The following CSNK1E variants were observed in gnomAD, a reference collection of about 807,000 sequenced individuals.
The protein encoded by CSNK1E is casein kinase 1 epsilon.
Under a neutral mutation model 46.1 loss-of-function variants are expected in CSNK1E, and 17 were observed. That is an observed-to-expected ratio of 0.37 (90% confidence interval 0.25 to 0.55). CSNK1E has a LOEUF of 0.55. CSNK1E is among the 20% of genes least tolerant of loss of function. The probability of loss-of-function intolerance (pLI) is 0.82; values close to 1 mark genes in which losing one functional copy is unlikely to be tolerated. For missense variants in CSNK1E, 386 were observed against 595.4 expected, an observed-to-expected ratio of 0.65 and a Z score of 3.66; for synonymous variants, 241 against 242.6, an observed-to-expected ratio of 0.99 and a Z score of 0.06.
rs1197183734 is a variant in CSNK1E, at chr22:38,291,892, G to C, written c.*79C>G. Reference sequence around the variant, plus strand: ...TTGTTCTTTTGAGTGGTTTATTTTTGCCTTTTTTTTTTTTTTTTTTTTTTT... The same window carrying C: ...TTGTTCTTTTGAGTGGTTTATTTTTCCCTTTTTTTTTTTTTTTTTTTTTTT... On this transcript the variant is annotated 3_prime_UTR_variant, in exon 11 of 11. Coordinates refer to ENST00000396832, the MANE Select transcript of CSNK1E (RefSeq NM_152221.3). 1.3e-5 allele frequency: 1 copy of C among 77,146 alleles called. No individual in the cohort carries two copies. Among genetic ancestry groups the C allele is most frequent in the Admixed American group, 1.5e-4 (1 of 6,782 alleles). The allele number at this position is 77,146 out of a possible 1,614,324, so 4.8% of individuals were successfully genotyped here. A position where few individuals can be genotyped will look rare whatever the true frequency, so the allele number is the denominator to read the frequency against.
At position 38,301,033 on chromosome 22, in the gene CSNK1E, G is replaced by C; in HGVS notation, c.337-81C>G. The C allele has an allele frequency of 3.3e-6, 4 of 1,221,138 alleles. No individual in the cohort carries two copies. In the Admixed American group the frequency reaches 7.2e-5, roughly 22 times the overall value. 75.6% of individuals were successfully genotyped at this position (1,221,138 alleles called of 1,614,324 possible). On this transcript the variant is annotated intron_variant, in intron 4 of 10. Transcript: ENST00000396832. Reference sequence around the variant, plus strand: ...GCCAGGCAGGGGCTGGGGCCACAGAGGTGGAAAGGCAGAGGGAGAAAGGCC... The same window carrying C: ...GCCAGGCAGGGGCTGGGGCCACAGACGTGGAAAGGCAGAGGGAGAAAGGCC...
At position 38,309,049 on chromosome 22, in the gene CSNK1E, C is replaced by G. The variant is rs2092710359; in HGVS notation, c.76+5033G>C. 6.6e-6 allele frequency among the ~76,000 whole-genome samples: 1 copy of G among 152,212 alleles called. No homozygotes were observed. Among genetic ancestry groups the G allele is most frequent in the East Asian group, 1.9e-4 (1 of 5,188 alleles). ...GAGAATTCCTGGTTGTGGGGCTGCC[C>G]TGGGCACTGCACAGTCTAACAGCAC... On this transcript the variant is annotated intron_variant, in intron 2 of 10. Coordinates refer to ENST00000396832, the MANE Select transcript of CSNK1E (RefSeq NM_152221.3). This position sits in a 1 kb window ranked among gnomAD's most constrained non-coding sequence, Gnocchi z 4.8.
chr22:38,311,808 CTTTTTTTT>C (rs71296618), intron 2 of CSNK1E, among the ~76,000 whole-genome samples: 1 of 140,300 alleles, frequency 7.1e-6, no homozygotes, highest in Admixed American at 7.2e-5. Context: ...TTCTTTCCTT[CTTTTTTTT>C]TTTTTTTTGA....
Position 38,294,335 on chromosome 22 carries a change from T to TGAGAGGATTAAATGAGGCCAAGTCCTG in CSNK1E, c.1078+6_1078+7insCAGGACTTGGCCTCATTTAATCCTCTC. 1 of 1,563,752 alleles carries TGAGAGGATTAAATGAGGCCAAGTCCTG rather than the reference T, an allele frequency of 6.4e-7. No homozygotes were observed. On this transcript the variant is annotated splice_region_variant and intron_variant, in intron 8 of 10. Coordinates refer to ENST00000396832, the MANE Select transcript of CSNK1E (RefSeq NM_152221.3). The surrounding 1 kb of genome is among the most constrained non-coding windows in gnomAD (Gnocchi z 5.5). ...GAACCCAGCCCACTGCCTGAGTCCC[T>TGAGAGGATTAAATGAGGCCAAGTCCTG]GCTCACCAGCCGGCTGGATGCGGGA...
At chr22:38,312,796 T>C (rs2092726706) in intron 2 of CSNK1E, among the ~76,000 whole-genome samples, 1 of 152,182 alleles carries the variant, frequency 6.6e-6, no homozygotes, top group Non-Finnish European at 1.5e-5. Context: ...ACAGAGGAGC[T>C]GCATGACCTT....
chr22:38,317,560 G>GA (rs1218785483), upstream of CSNK1E: 2 of 152,838 alleles, frequency 1.3e-5, no homozygotes, highest in African/African-American at 4.8e-5. Context: ...CCGCAGCTGC[G>GA]AGACGCAGTT....
At position 38,300,619 on chromosome 22, in the gene CSNK1E, A is replaced by G; in HGVS notation, c.565+105T>C. The G allele has an allele frequency of 8.9e-7, 1 of 1,121,006 alleles. No homozygotes were observed. The highest frequency in any genetic ancestry group is 1.3e-6 in the Non-Finnish European group (1 of 773,502). 69.4% of individuals were successfully genotyped at this position (1,121,006 alleles called of 1,614,324 possible). ...CGGGGTGGGGACTTTCTCACTAGAA[A>G]AGAGCCTGGGGGCCTCCATCAGGGT... is the stretch of plus-strand genomic sequence containing the variant. On this transcript the variant is annotated intron_variant, in intron 5 of 10. Coordinates refer to ENST00000396832, the MANE Select transcript of CSNK1E (RefSeq NM_152221.3). This position sits in a 1 kb window ranked among gnomAD's most constrained non-coding sequence, Gnocchi z 4.4.
chr22:38,300,022 G>A lies in CSNK1E; in HGVS notation c.609C>T (p.Leu203=). 2 of 1,614,160 alleles carry A rather than the reference G, an allele frequency of 1.2e-6. No homozygotes were observed. The highest frequency in any genetic ancestry group is 1.7e-6 in the Non-Finnish European group (2 of 1,180,040). Residue 203 remains leucine (L), a synonymous_variant, in exon 6 of 11, where the codon CTC becomes CTT. Transcript: ENST00000396832. This position sits in a 1 kb window ranked among gnomAD's most constrained non-coding sequence, Gnocchi z 4.4. The part of the protein sequence containing the change: ...RDDLESLGYV[L]MYFNLGSLPW... ...GCAGGGAGCCCAGGTTGAAGTACAT[G>A]AGCACGTAGCCCAGGCTCTCCAGGT...
In CSNK1E at chr22:38,298,486, C is replaced by G. The variant is rs1475748300; in HGVS notation, c.885+300G>C. 9.5e-5 allele frequency: 39 copies of G among 409,872 alleles called. 1 individual carries two copies. The Admixed American group carries it at 1.3e-3, about 14-fold the overall frequency. 25.4% of individuals were successfully genotyped at this position (409,872 alleles called of 1,614,324 possible). ...AGGCAGCAATCAGGGCAGCAGGGGG[C>G]GCCGCCAGCACCACCCATGCCCTGC... On this transcript the variant is annotated intron_variant, in intron 7 of 10. Coordinates refer to ENST00000396832, the MANE Select transcript of CSNK1E (RefSeq NM_152221.3). This position sits in a 1 kb window ranked among gnomAD's most constrained non-coding sequence, Gnocchi z 4.2.
Position 38,294,057 on chromosome 22 carries a change from G to A in CSNK1E, c.1218+52C>T. The A allele has an allele frequency of 1.3e-6, 2 of 1,578,718 alleles. No individual in the cohort carries two copies. The highest frequency in any genetic ancestry group is 1.7e-6 in the Non-Finnish European group (2 of 1,163,856). On this transcript the variant is annotated intron_variant, in intron 9 of 10. Transcript: ENST00000396832. This position sits in a 1 kb window ranked among gnomAD's most constrained non-coding sequence, Gnocchi z 5.5. The stretch of plus-strand genomic sequence containing the variant: ...GCCACGGCCTGACCTCCCACTGGGG[G>A]GTCTCTAACTCAGTTCTGAGGCCCA...
chr22:38,307,489 T>A (rs748293934), intron 2 of CSNK1E, among the ~76,000 whole-genome samples: 11 of 151,454 alleles, frequency 7.3e-5, no homozygotes, highest in Non-Finnish European at 8.8e-5. Context: ...AGGCGGAGGT[T>A]GCAGTGAGCC....
At position 38,293,378 on chromosome 22, in the gene CSNK1E, G is replaced by A. The variant is rs1434296454; in HGVS notation, c.1219-59C>T. 1.5e-5 allele frequency: 17 copies of A among 1,104,874 alleles called. No homozygotes were observed. In the South Asian group the frequency reaches 1.7e-4, roughly 11 times the overall value. 68.4% of individuals were successfully genotyped at this position (1,104,874 alleles called of 1,614,324 possible). ...AGAGAGAGGGAGGTACAAGCTTCAA[G>A]TCAAGTCCCTTAGCCGCTGGCGATA... On this transcript the variant is annotated intron_variant, in intron 9 of 10. Transcript: ENST00000396832.
intron 4 of CSNK1E, among the ~76,000 whole-genome samples, chr22:38,302,234 T>C (rs2092676560): frequency 1.1e-5 from 1 of 90,792 alleles, no homozygotes; most frequent in African/African-American, 4.6e-5. Context: ...TGGTGGATCA[T>C]GCCTGTGATC....
At chr22:38,315,656 C>CA (rs893000580) in intron 1 of CSNK1E, among the ~76,000 whole-genome samples, 63 of 149,458 alleles carry the variant, frequency 4.2e-4, no homozygotes, top group Non-Finnish European at 7.4e-4. Context: ...TGCACGCAAC[C>CA]CCCCCCCAAC....
intron 2 of CSNK1E, among the ~76,000 whole-genome samples, chr22:38,313,447 C>A (rs1297694229): frequency 6.6e-6 from 1 of 152,248 alleles, no homozygotes; most frequent in East Asian, 1.9e-4. Context: ...CTGAAAGGCG[C>A]AAGCCTCATT....
intron 7 of CSNK1E, chr22:38,297,485 G>A: frequency 1.2e-6 from 1 of 836,336 alleles, no homozygotes. Context: ...AAGAAACCCA[G>A]AGAGAAGAGA....
intron 2 of CSNK1E, among the ~76,000 whole-genome samples, chr22:38,310,333 G>T (rs2092715549): frequency 6.6e-6 from 1 of 152,130 alleles, no homozygotes; most frequent in Admixed American, 6.5e-5. Context: ...TAGAGGGGCT[G>T]GGAACTTGGC....
chr22:38,294,363 C>G lies in CSNK1E; in HGVS notation c.1057G>C (p.Ala353Pro). Residue 353 changes from alanine (A) to proline (P), a missense_variant, in exon 8 of 11, where the codon GCC (alanine) becomes CCC (proline). Around this residue, in one of 2 missense-constraint regions of CSNK1E, gnomAD observed 174 missense variants for 185.2 expected, o/e 0.94. Coordinates refer to ENST00000396832, the MANE Select transcript of CSNK1E (RefSeq NM_152221.3). This position sits in a 1 kb window ranked among gnomAD's most constrained non-coding sequence, Gnocchi z 5.5. Reference sequence around the variant, plus strand: ...TCACCAGCCGGCTGGATGCGGGAGGCTGGCGTGGAAGCCACGGGCTCGGCG... The same window carrying G: ...TCACCAGCCGGCTGGATGCGGGAGGGTGGCGTGGAAGCCACGGGCTCGGCG... ...SAAEPVASTP[A>P]SRIQPAGNTS... is the part of the protein sequence containing the mutation. The G allele has an allele frequency of 1.3e-6, 2 of 1,567,100 alleles. No individual in the cohort carries two copies. Among genetic ancestry groups the G allele is most frequent in the Non-Finnish European group, 1.7e-6 (2 of 1,159,550 alleles).
intron 2 of CSNK1E, among the ~76,000 whole-genome samples, chr22:38,310,273 G>T (rs1351666784): frequency 6.6e-6 from 1 of 152,208 alleles, no homozygotes; most frequent in Non-Finnish European, 1.5e-5. Context: ...GGGAATGCCA[G>T]TTCCCAAAAC....
Sources: gnomAD v4.1 joint callset for allele counts (sites outside exome capture counted in the v4.1 genomes callset) on GRCh38, gnomAD v4.1.1 for gene constraint, gnomAD v4.1.1 regional missense constraint, Gnocchi (gnomAD v3.1) non-coding constraint, MANE v1.5 for transcripts, NCBI Gene and HGNC (gene_info 2026-07-23, HGNC 2026-07-21) for gene names.